Variants in CREB3L2 observed in about 807,000 individuals in gnomAD.
CREB3L2 encodes cyclic AMP-responsive element-binding protein 3-like protein 2.
Under a neutral mutation model 57.2 loss-of-function variants are expected in CREB3L2, and 23 were observed. That is an observed-to-expected ratio of 0.40 (90% CI 0.29 to 0.57). The LOEUF is 0.57. Among genes scored for constraint, CREB3L2 ranks in the 20% least tolerant of loss-of-function variants. CREB3L2 has a pLI of 0.42. For synonymous variants in CREB3L2, 268 were observed against 265.1 expected, an observed-to-expected ratio of 1.01 and a Z score of -0.11; for missense variants, 628 against 634.7, an observed-to-expected ratio of 0.99 and a Z score of 0.11.
chr7:137,956,478 A>G (rs1801213717), intron 1 of CREB3L2: 1 of 488,956 alleles, frequency 2.0e-6, no homozygotes, highest in South Asian at 1.7e-5. Context: ...ATTTGAAGTC[A>G]ATTTCTTCTA....
chr7:137,940,638 T>G (rs1450192595), intron 1 of CREB3L2, among the ~76,000 whole-genome samples: 10 of 152,210 alleles, frequency 6.6e-5, no homozygotes, highest in African/African-American at 2.4e-4. Flanking sequence ...CCCACAGAAT[T>G]CTCTGAACAG....
chr7:137,945,497 T>C (rs1201937629), intron 1 of CREB3L2, among the ~76,000 whole-genome samples: 1 of 152,342 alleles, frequency 6.6e-6, no homozygotes, highest in African/African-American at 2.4e-5. Context: ...GCCCAAAAGA[T>C]AGATATTCTA....
intron 3 of CREB3L2, among the ~76,000 whole-genome samples, chr7:137,914,101 G>A (rs1800072995): frequency 1.3e-5 from 2 of 151,588 alleles, no homozygotes; most frequent in Admixed American, 1.3e-4. Context: ...GGTAGGGACT[G>A]TGCACCAAGC....
At chr7:137,940,585 A>G (rs1049540186) in intron 1 of CREB3L2, among the ~76,000 whole-genome samples, 1 of 152,238 alleles carries the variant, frequency 6.6e-6, no homozygotes, top group Non-Finnish European at 1.5e-5. Flanking sequence ...ACCAGACATA[A>G]AGATCACCAA....
In CREB3L2 at chr7:137,928,206, T is replaced by G; in HGVS notation, c.263A>C (p.Glu88Ala). The G allele has an allele frequency of 6.2e-7, 1 of 1,606,254 alleles. No individual in the cohort carries two copies. Reference sequence around the variant, plus strand: ...GGTGAAGGGCGACTGGGCCCGAGGCTCCTCGCACAGGGAGTAGCTGTGCTC... The same window carrying G: ...GGTGAAGGGCGACTGGGCCCGAGGCGCCTCGCACAGGGAGTAGCTGTGCTC... ...QAEHSYSLCE[E>A]PRAQSPFTHI... The change falls in exon 2 of 12, where the codon GAG becomes GCG. Residue 88 changes from glutamate to alanine, a missense_variant. Physicochemically the swap from Glu to Ala is moderately radical, Grantham distance 107 (BLOSUM62 -1). Coordinates refer to ENST00000330387, the MANE Select transcript of CREB3L2 (RefSeq NM_194071.4).
At chr7:137,910,520 T>G (rs1432470392) in intron 4 of CREB3L2, among the ~76,000 whole-genome samples, 1 of 151,982 alleles carries the variant, frequency 6.6e-6, no homozygotes, top group Non-Finnish European at 1.5e-5. Flanking sequence ...TTAATCAAGG[T>G]TTCTCGAATG....
At position 137,877,629 on chromosome 7, in the gene CREB3L2, T is replaced by A. The variant is rs1352840986; in HGVS notation, c.*2847A>T. The A allele has an allele frequency of 4.4e-6, 1 of 225,888 alleles. No homozygotes were observed. Among genetic ancestry groups the A allele is most frequent in the Admixed American group, 5.7e-5 (1 of 17,518 alleles). The allele number at this position is 225,888 out of a possible 1,614,324, so 14.0% of individuals were successfully genotyped here. ...CTAAGAAAGGGAAATGGGAAACTTGTTTACATGATGAAAAATATAATTAAG... is the reference window on the plus strand; with the variant it reads ...CTAAGAAAGGGAAATGGGAAACTTGATTACATGATGAAAAATATAATTAAG... On this transcript the variant is annotated 3_prime_UTR_variant, in exon 12 of 12. Transcript: ENST00000330387.
chr7:137,903,521 A>T (rs1252679117), intron 7 of CREB3L2, among the ~76,000 whole-genome samples: 5 of 152,020 alleles, frequency 3.3e-5, no homozygotes, highest in African/African-American at 1.2e-4. Context: ...GTGGCTGGAA[A>T]ATAAAGGCTG....
intron 1 of CREB3L2, among the ~76,000 whole-genome samples, chr7:137,967,992 A>T (rs561978966): frequency 6.6e-6 from 1 of 152,328 alleles, no homozygotes; most frequent in East Asian, 1.9e-4. Flanking sequence ...TACTCTTCCC[A>T]TTTGTGGTTG....
intron 1 of CREB3L2, among the ~76,000 whole-genome samples, chr7:137,986,940 G>A: frequency 6.6e-6 from 1 of 152,168 alleles, no homozygotes; most frequent in Non-Finnish European, 1.5e-5. Flanking sequence ...CGAGCCCAAG[G>A]GCGACCCCAC....
At chr7:137,922,384 G>GTATATATA (rs1175503933) in intron 2 of CREB3L2, among the ~76,000 whole-genome samples, 310 of 19,430 alleles carry the variant, frequency 0.016, 4 homozygotes, top group Non-Finnish European at 0.022. Flanking sequence ...ATATATATAT[G>GTATATATA]TATATATATA....
intron 8 of CREB3L2, among the ~76,000 whole-genome samples, chr7:137,899,260 C>T (rs73452618): frequency 0.061 from 9,185 of 150,148 alleles, 989 homozygotes; most frequent in African/African-American, 0.2. Context: ...ACCCGGACTT[C>T]GCCCCAGCAC....
chr7:137,959,448 G>A (rs532541350), intron 1 of CREB3L2, among the ~76,000 whole-genome samples: 206 of 152,308 alleles, frequency 1.4e-3, no homozygotes, highest in African/African-American at 4.6e-3. Context: ...CAGCACCTGA[G>A]CACAGACTCA....
intron 3 of CREB3L2, among the ~76,000 whole-genome samples, chr7:137,914,776 C>A (rs1401473121): frequency 1.3e-5 from 2 of 152,186 alleles, no homozygotes; most frequent in Non-Finnish European, 2.9e-5. Flanking sequence ...TGTCTACAAC[C>A]CTTCATCATC....
In CREB3L2 at chr7:137,880,158, C is replaced by A. The variant is rs932907126; in HGVS notation, c.*318G>T. ...CGGGGGGTTACACCTCACAGGTGCACATTAGGCAATATCTTTTTGGCACTA... is the reference window on the plus strand; with the variant it reads ...CGGGGGGTTACACCTCACAGGTGCAAATTAGGCAATATCTTTTTGGCACTA... On this transcript the variant is annotated 3_prime_UTR_variant, in exon 12 of 12. Coordinates refer to ENST00000330387, the MANE Select transcript of CREB3L2 (RefSeq NM_194071.4). This position sits in a 1 kb window ranked among gnomAD's most constrained non-coding sequence, Gnocchi z 4.0. 26 of 424,348 alleles carry A rather than the reference C, an allele frequency of 6.1e-5. No individual in the cohort carries two copies. The highest frequency in any genetic ancestry group is 5.1e-4 in the African/African-American group (26 of 50,846). 26.3% of individuals were successfully genotyped at this position (424,348 alleles called of 1,614,324 possible). A position where few individuals can be genotyped will look rare whatever the true frequency, so the allele number is the denominator to read the frequency against.
chr7:137,998,296 T>C (rs1802023901), intron 1 of CREB3L2, among the ~76,000 whole-genome samples: 1 of 152,248 alleles, frequency 6.6e-6, no homozygotes, highest in South Asian at 2.1e-4. Flanking sequence ...AAATCAAGTA[T>C]GTGACAGGTT....
At chr7:137,905,879 A>C in intron 5 of CREB3L2, 31 bp from the exon 6 acceptor site, 1 of 1,562,698 alleles carries the variant, frequency 6.4e-7, no homozygotes, top group African/African-American at 1.4e-5. Context: ...AAAAGGGTCA[A>C]AGAAAAAGAA....
Position 137,921,002 on chromosome 7 carries a change from T to C in CREB3L2, c.320-4990A>G, listed in dbSNP as rs1454357497. ...ACAATGTTTCTCCATGTCCTTACTT[T>C]TGTAGTTTTACTTTATTGGCAAAAA... On this transcript the variant is annotated intron_variant, in intron 2 of 11. Transcript: ENST00000330387. 2.6e-5 allele frequency among the ~76,000 whole-genome samples: 4 copies of C among 152,202 alleles called. No individual in the cohort carries two copies. The East Asian group carries it at 7.7e-4, about 29-fold the overall frequency.
chr7:137,902,651 T>C (rs1037311989), intron 7 of CREB3L2, among the ~76,000 whole-genome samples: 3 of 152,214 alleles, frequency 2.0e-5, no homozygotes, highest in African/African-American at 4.8e-5. Flanking sequence ...TAAAAAATGG[T>C]GTAGTATTTG....
Sources: allele counts gnomAD v4.1 joint callset (sites outside exome capture counted in the v4.1 genomes callset), GRCh38; gene constraint gnomAD v4.1.1; non-coding constraint Gnocchi (gnomAD v3.1); transcripts MANE v1.5; gene names NCBI Gene and HGNC (gene_info 2026-07-23, HGNC 2026-07-21).